Variants in TADA2B observed in about 807,000 individuals in gnomAD.
The protein encoded by TADA2B is transcriptional adapter 2-beta.
A neutral mutation model predicts 34.5 loss-of-function variants in TADA2B; 13 were observed. The ratio of observed to expected loss-of-function variants is 0.38; its 90% CI spans 0.25 to 0.60. TADA2B has a LOEUF of 0.60. Ranked by LOEUF, TADA2B falls within the 20% of genes least tolerant of loss-of-function variation. The pLI, the probability that TADA2B is intolerant of heterozygous loss-of-function variation, is 0.65. For missense variants in TADA2B, 442 were observed against 575.0 expected, an observed-to-expected ratio of 0.77 and a Z score of 2.37; for synonymous variants, 240 against 243.4, an observed-to-expected ratio of 0.99 and a Z score of 0.13.
chr4:7,043,728 G>A lies in TADA2B; in HGVS notation c.149G>A (p.Gly50Asp), dbSNP rs1426800632. The A allele has an allele frequency of 1.5e-5, 24 of 1,589,270 alleles. No homozygotes were observed. Among genetic ancestry groups the A allele is most frequent in the Non-Finnish European group, 2.0e-5 (23 of 1,173,366 alleles). Residue 50 changes from glycine (G) to aspartate (D), a missense_variant, in exon 1 of 2, where the codon GGC (glycine) becomes GAC (aspartate). Physicochemically the swap from Gly to Asp is moderately conservative, Grantham distance 94. Coordinates refer to ENST00000310074, the MANE Select transcript of TADA2B (RefSeq NM_152293.3). ...AEIGHHRRYH[G>D]YQLVDGGRFT... ...ATCGGCCACCACCGCCGCTACCACG[G>A]CTACCAGCTGGTGGACGGCGGGCGC...
At position 7,057,152 on chromosome 4, in the gene TADA2B, TGAA is replaced by T. The variant is rs1350589400; in HGVS notation, c.*2103_*2105del. 2 of 152,216 alleles carry T rather than the reference TGAA, an allele frequency of 1.3e-5. No homozygotes were observed. The highest frequency in any genetic ancestry group is 3.8e-4 in the East Asian group (2 of 5,200). The allele number at this position is 152,216 out of a possible 1,614,324, so 9.4% of individuals were successfully genotyped here. On this transcript the variant is annotated 3_prime_UTR_variant, in exon 2 of 2. Coordinates refer to ENST00000310074, the MANE Select transcript of TADA2B (RefSeq NM_152293.3). The stretch of plus-strand genomic sequence containing the variant: ...ATTGCCAGACGTACTATATTAAGCT[TGAA>T]GAAGCAGAAGATCCCTGTTAATGTG...
intron 1 of TADA2B, chr4:7,046,334 T>C (rs1266050248): frequency 6.6e-6 from 1 of 152,254 alleles, no homozygotes; most frequent in Non-Finnish European, 1.5e-5. Flanking sequence ...AGAGCTGGCG[T>C]GTCCCACTTT....
In TADA2B at chr4:7,043,690, G is replaced by A. The variant is rs545256401; in HGVS notation, c.111G>A (p.Ser37=). The A allele has an allele frequency of 4.7e-4, 746 of 1,586,444 alleles. 1 individual carries two copies. Among genetic ancestry groups the A allele is most frequent in the Non-Finnish European group, 6.2e-4 (728 of 1,170,298 alleles). The change falls in exon 1 of 2, where the codon TCG becomes TCA. Residue 37 remains serine (S), a synonymous_variant. Coordinates refer to ENST00000310074, the MANE Select transcript of TADA2B (RefSeq NM_152293.3). The stretch of plus-strand genomic sequence containing the variant: ...TCGAGCTGTGCCCCGAGTGCTTCTC[G>A]GCCGGCGCCGAGATCGGCCACCACC... ...QDIELCPECF[S]AGAEIGHHRR...
At position 7,055,150 on chromosome 4, in the gene TADA2B, T is replaced by C. The variant is rs1723860591; in HGVS notation, c.*96T>C. 7.8e-7 allele frequency: 1 copy of C among 1,275,468 alleles called. No individual in the cohort carries two copies. The allele number at this position is 1,275,468 out of a possible 1,614,324, so 79.0% of individuals were successfully genotyped here. A position where few individuals can be genotyped will look rare whatever the true frequency, so the allele number is the denominator to read the frequency against. ...GCCGCTTCCCCACTGTTGCTCTTTT[T>C]TAAACAAATTGAGTTCCTTTTTTTA... On this transcript the variant is annotated 3_prime_UTR_variant, in exon 2 of 2. Transcript: ENST00000310074.
intron 1 of TADA2B, among the ~76,000 whole-genome samples, chr4:7,048,164 A>G (rs1456968296): frequency 1.3e-5 from 2 of 152,352 alleles, no homozygotes; most frequent in Admixed American, 6.5e-5. Context: ...ATGGATGGAA[A>G]GAACCCCAGG....
chr4:7,051,591 T>G (rs1723770799), intron 1 of TADA2B, among the ~76,000 whole-genome samples: 1 of 151,026 alleles, frequency 6.6e-6, no homozygotes, highest in African/African-American at 2.4e-5. Context: ...TAAGTAAGTT[T>G]TTTTTTTTTT....
chr4:7,049,067 C>T lies in TADA2B; in HGVS notation c.271-4995C>T, dbSNP rs148213086. 3.1e-3 allele frequency among the ~76,000 whole-genome samples: 461 copies of T among 147,372 alleles called. 5 individuals are homozygous for T. Among genetic ancestry groups the T allele is most frequent in the African/African-American group, 0.011 (430 of 39,730 alleles). The stretch of plus-strand genomic sequence containing the variant: ...CGTCAAGTAAATAAAAGTGGAATTG[C>T]TAGGTTAGGTTCTGTGTGTAATTTT... On this transcript the variant is annotated intron_variant, in intron 1 of 1. Coordinates refer to ENST00000310074, the MANE Select transcript of TADA2B (RefSeq NM_152293.3).
Position 7,055,090 on chromosome 4 carries a change from A to C in TADA2B, c.*36A>C, listed in dbSNP as rs772744302. On this transcript the variant is annotated 3_prime_UTR_variant, in exon 2 of 2. Transcript: ENST00000310074. ...CTTTGAAAGCCAGGGTGATGCTCAG[A>C]CAGTGTGCCAGCCAAAATGACTTGG... 1.9e-6 allele frequency: 3 copies of C among 1,552,608 alleles called. No individual in the cohort carries two copies. Among genetic ancestry groups the C allele is most frequent in the Non-Finnish European group, 2.6e-6 (3 of 1,151,098 alleles).
chr4:7,045,953 G>A (rs546477528), intron 1 of TADA2B: 1 of 152,432 alleles, frequency 6.6e-6, no homozygotes, highest in South Asian at 2.1e-4. Context: ...AGAGCACCTG[G>A]GGAGCTGGTG....
chr4:7,053,861 T>C (rs1197128037), intron 1 of TADA2B: 3 of 588,364 alleles, frequency 5.1e-6, no homozygotes, highest in Non-Finnish European at 8.9e-6. Context: ...AATCAGCATG[T>C]GTTGTTGCTT....
intron 1 of TADA2B, chr4:7,052,953 C>G (rs12502513): frequency 0.065 from 9,851 of 152,322 alleles, 390 homozygotes; most frequent in Middle Eastern, 0.11. Context: ...CAGAGGAAGC[C>G]CCAGCTGTGG....
At chr4:7,047,771 C>G (rs1470710752) in intron 1 of TADA2B, among the ~76,000 whole-genome samples, 2 of 152,158 alleles carry the variant, frequency 1.3e-5, no homozygotes, top group Non-Finnish European at 2.9e-5. Context: ...GTATTCAGGG[C>G]CAGGCAAAAG....
chr4:7,053,841 T>G (rs113959380), intron 1 of TADA2B: 2 of 544,612 alleles, frequency 3.7e-6, no homozygotes, highest in Non-Finnish European at 6.4e-6. Context: ...CTTCACTTTC[T>G]CATGTACAGA....
Position 7,055,584 on chromosome 4 carries a change from G to A in TADA2B, c.*530G>A, listed in dbSNP as rs1298999129. On this transcript the variant is annotated 3_prime_UTR_variant, in exon 2 of 2. Coordinates refer to ENST00000310074, the MANE Select transcript of TADA2B (RefSeq NM_152293.3). The stretch of plus-strand genomic sequence containing the variant: ...TGGGCCCAGACTCCTCCGCTGTGTA[G>A]CAGATGAGGAAAATCAGGCCAGAGG... The A allele has an allele frequency of 3.3e-5, 5 of 153,240 alleles. No individual in the cohort carries two copies. Among genetic ancestry groups the A allele is most frequent in the Non-Finnish European group, 7.3e-5 (5 of 68,780 alleles). The allele number at this position is 153,240 out of a possible 1,614,324, so 9.5% of individuals were successfully genotyped here.
intron 1 of TADA2B, among the ~76,000 whole-genome samples, chr4:7,050,863 G>A (rs1723751111): frequency 6.6e-6 from 1 of 152,244 alleles, no homozygotes; most frequent in South Asian, 2.1e-4. Flanking sequence ...TGCATCGTGG[G>A]ATGGTGGGGG....
intron 1 of TADA2B, 53 bp downstream of exon 1, chr4:7,043,902 C>T: frequency 7.0e-7 from 1 of 1,432,426 alleles, no homozygotes; most frequent in Non-Finnish European, 9.1e-7. Flanking sequence ...AAGGCCCGCG[C>T]CTCTCCTGTA....
chr4:7,044,433 C>T (rs898173364), intron 1 of TADA2B, among the ~76,000 whole-genome samples: 1 of 152,192 alleles, frequency 6.6e-6, no homozygotes, highest in Admixed American at 6.5e-5. Context: ...AAAGAATGAA[C>T]AAAGAGGCCT....
In TADA2B at chr4:7,043,483, C is replaced by CGCG. The variant is rs1292043310; in HGVS notation, c.-83_-81dup. The CGCG allele has an allele frequency of 2.1e-5, 15 of 712,940 alleles. No individual in the cohort carries two copies. Among genetic ancestry groups the CGCG allele is most frequent in the Middle Eastern group, 1.5e-3 (2 of 1,350 alleles). 44.2% of individuals were successfully genotyped at this position (712,940 alleles called of 1,614,324 possible). On this transcript the variant is annotated 5_prime_UTR_variant, in exon 1 of 2. Transcript: ENST00000310074. Reference sequence around the variant, plus strand: ...CGGCGGCGGGCGGCGGTTGCTCGTGCGCGGCGGCGGCGGCGGGTCCCGCGG... The same window carrying CGCG: ...CGGCGGCGGGCGGCGGTTGCTCGTGCGCGGCGGCGGCGGCGGCGGGTCCCGCGG...
intron 1 of TADA2B, among the ~76,000 whole-genome samples, chr4:7,046,455 C>T (rs757403952): frequency 4.6e-5 from 7 of 152,164 alleles, no homozygotes; most frequent in Admixed American, 1.3e-4. Context: ...TGAAGAACAG[C>T]AGCTGTAAGA....
Sources: allele counts gnomAD v4.1 joint callset (sites outside exome capture counted in the v4.1 genomes callset), GRCh38; gene constraint gnomAD v4.1.1; transcripts MANE v1.5; gene names NCBI Gene and HGNC (gene_info 2026-07-23, HGNC 2026-07-21).